SPAST: variants seen among roughly 807,000 people sequenced by gnomAD.
SPAST encodes the protein spastin, also known as spastic paraplegia 4 (autosomal dominant; spastin).
Under a neutral mutation model 76.6 loss-of-function variants are expected in SPAST, and 30 were observed. That is an observed-to-expected ratio of 0.39 (90% CI 0.29 to 0.53). SPAST has a LOEUF of 0.53. Among genes scored for constraint, SPAST ranks in the 20% least tolerant of loss-of-function variants. The pLI, the probability that SPAST is intolerant of heterozygous loss-of-function variation, is 0.68. For synonymous variants in SPAST, 305 were observed against 281.0 expected, an observed-to-expected ratio of 1.09 and a Z score of -0.86; for missense variants, 717 against 770.5, an observed-to-expected ratio of 0.93 and a Z score of 0.82.
At chr2:32,123,261 C>CA (rs112753143) in intron 7 of SPAST, among the ~76,000 whole-genome samples, 54,778 of 142,698 alleles carry the variant, frequency 0.38, 10,340 homozygotes, top group East Asian at 0.64. Context: ...GACTCCGTCT[C>CA]AAAAAAAAAA....
Position 32,136,443 on chromosome 2 carries a change from T to C in SPAST, c.1246-120T>C, listed in dbSNP as rs542885623. The C allele has an allele frequency of 1.3e-5, 10 of 780,570 alleles. No homozygotes were observed. The Admixed American group carries it at 1.8e-4, about 14-fold the overall frequency. The allele number at this position is 780,570 out of a possible 1,614,324, so 48.4% of individuals were successfully genotyped here. A position where few individuals can be genotyped will look rare whatever the true frequency, so the allele number is the denominator to read the frequency against. On this transcript the variant is annotated intron_variant, in intron 9 of 16. Transcript: ENST00000315285. ...GTACTCTCCCCTTTCTCAAACCAAA[T>C]CTTTGGTTGTTTTAAGGAAGGGAAA...
intron 7 of SPAST, among the ~76,000 whole-genome samples, chr2:32,118,476 G>C (rs952533914): frequency 6.6e-6 from 1 of 152,094 alleles, no homozygotes; most frequent in Non-Finnish European, 1.5e-5. Context: ...TACCACCTCA[G>C]GTCACACTTT....
chr2:32,144,015 AATC>A (rs1273462814), intron 14 of SPAST, among the ~76,000 whole-genome samples: 7 of 152,190 alleles, frequency 4.6e-5, no homozygotes, highest in Non-Finnish European at 1.0e-4. Context: ...CTATTTGAAT[AATC>A]TTAAACTTTA....
intron 2 of SPAST, 73 bp downstream of exon 2, chr2:32,087,651 T>C (rs556781095): frequency 3.7e-6 from 2 of 537,064 alleles, no homozygotes; most frequent in South Asian, 3.0e-5. Context: ...TCAGATCTAT[T>C]TATTTATTTA....
At chr2:32,117,048 C>T (rs1455064312) in intron 7 of SPAST, among the ~76,000 whole-genome samples, 2 of 151,928 alleles carry the variant, frequency 1.3e-5, no homozygotes, top group African/African-American at 2.4e-5. Context: ...ATCACGAGGT[C>T]AAGAGATTGA....
intron 4 of SPAST, among the ~76,000 whole-genome samples, chr2:32,109,569 A>G (rs905284322): frequency 6.6e-6 from 1 of 150,778 alleles, no homozygotes; most frequent in African/African-American, 2.4e-5. Context: ...TCCAAATACA[A>G]TGCTTCTATA....
At chr2:32,082,192 C>A (rs1340879561) in intron 1 of SPAST, among the ~76,000 whole-genome samples, 10 of 150,892 alleles carry the variant, frequency 6.6e-5, no homozygotes. Context: ...TGGGTTTCAT[C>A]ATGTTGGCCA....
intron 9 of SPAST, chr2:32,128,705 C>T (rs1573143065): frequency 1.9e-6 from 1 of 529,284 alleles, no homozygotes; most frequent in East Asian, 3.4e-5. Flanking sequence ...ATACCGTAAA[C>T]TGGCTGGCTT....
rs1678532896 is a variant in SPAST at position 32,110,617 on chromosome 2, TGTATATATA to T, written c.683-4014_683-4006del. On this transcript the variant is annotated intron_variant, in intron 4 of 16. Transcript: ENST00000315285. ...CGTATATACACTATATACTATATAG[TGTATATATA>T]GTATATGTAGTATATATAGTATATA... Among the ~76,000 whole-genome samples, 7 of 133,554 alleles carry T rather than the reference TGTATATATA, an allele frequency of 5.2e-5. No homozygotes were observed. The South Asian group carries it at 1.6e-3, about 30-fold the overall frequency. 87.6% of individuals were successfully genotyped at this position (133,554 alleles called of 152,430 possible).
At chr2:32,081,117 C>T (rs1477104637) in intron 1 of SPAST, among the ~76,000 whole-genome samples, 1 of 152,164 alleles carries the variant, frequency 6.6e-6, no homozygotes, top group African/African-American at 2.4e-5. Context: ...CGCCACCACG[C>T]CTAGCTAATT....
At chr2:32,090,848 A>T (rs961121333) in intron 3 of SPAST, among the ~76,000 whole-genome samples, 1 of 152,036 alleles carries the variant, frequency 6.6e-6, no homozygotes, top group Non-Finnish European at 1.5e-5. Context: ...TTGAAAGTTG[A>T]TTTTTATTTT....
At chr2:32,112,665 T>C (rs950455733) in intron 4 of SPAST, among the ~76,000 whole-genome samples, 1 of 152,124 alleles carries the variant, frequency 6.6e-6, no homozygotes. Flanking sequence ...TTTTGTTTTT[T>C]TTTTTAACTT....
intron 4 of SPAST, among the ~76,000 whole-genome samples, chr2:32,108,986 G>A (rs1170866406): frequency 2.0e-5 from 3 of 151,720 alleles, no homozygotes; most frequent in Non-Finnish European, 4.4e-5. Flanking sequence ...GGATGATCTC[G>A]ATCTCCTGAC....
intron 4 of SPAST, among the ~76,000 whole-genome samples, chr2:32,102,818 G>A (rs1220259431): frequency 6.6e-6 from 1 of 152,210 alleles, no homozygotes; most frequent in Admixed American, 6.5e-5. Context: ...CAGGGATGAA[G>A]CCAACTTGAT....
At chr2:32,130,769 CAT>C (rs1180334232) in intron 9 of SPAST, among the ~76,000 whole-genome samples, 1 of 149,968 alleles carries the variant, frequency 6.7e-6, no homozygotes, top group African/African-American at 2.5e-5. Flanking sequence ...GTGATCACCA[CAT>C]GATATCCAGA....
In SPAST at chr2:32,136,621, C is replaced by T. The variant is rs1553318182; in HGVS notation, c.1304C>T (p.Pro435Leu). ...ALFAVARELQ[P>L]SIIFIDEVDS... Reference sequence around the variant, plus strand: ...TTTGCTGTGGCTCGAGAACTTCAACCTTCTATAATTTTTATAGGTAAGAAC... The same window carrying T: ...TTTGCTGTGGCTCGAGAACTTCAACTTTCTATAATTTTTATAGGTAAGAAC... The change falls in exon 10 of 17, where the codon CCT (proline) becomes CTT (leucine). Residue 435 changes from proline (P) to leucine (L), a missense_variant. Physicochemically the swap from Pro to Leu is moderately conservative, Grantham distance 98. Transcript: ENST00000315285. The T allele has an allele frequency of 6.2e-7, 1 of 1,612,866 alleles. No homozygotes were observed. The highest frequency in any genetic ancestry group is 8.5e-7 in the Non-Finnish European group (1 of 1,179,026).
Position 32,102,814 on chromosome 2 carries a change from T to A in SPAST, c.682+3923T>A, listed in dbSNP as rs528669504. On this transcript the variant is annotated intron_variant, in intron 4 of 16. Coordinates refer to ENST00000315285, the MANE Select transcript of SPAST (RefSeq NM_014946.4). ...TTGAACCAGCCTTGCATCCCAGGGA[T>A]GAAGCCAACTTGATTGCGTTGGATA... Among the ~76,000 whole-genome samples, 16 of 152,356 alleles carry A rather than the reference T, an allele frequency of 1.1e-4. No homozygotes were observed. The South Asian group carries it at 3.3e-3, about 32-fold the overall frequency.
At chr2:32,119,892 G>A (rs753265991) in intron 7 of SPAST, among the ~76,000 whole-genome samples, 3 of 151,852 alleles carry the variant, frequency 2.0e-5, no homozygotes, top group Non-Finnish European at 4.4e-5. Context: ...CTATCATTTC[G>A]AGCTTTTATA....
intron 7 of SPAST, among the ~76,000 whole-genome samples, chr2:32,120,069 C>T (rs781687141): frequency 7.3e-5 from 11 of 151,182 alleles, no homozygotes; most frequent in Admixed American, 1.3e-4. Context: ...TGTTCTCCAG[C>T]GTGGCCTTAG....
Sources: gnomAD v4.1 joint callset for allele counts (sites outside exome capture counted in the v4.1 genomes callset) on GRCh38, gnomAD v4.1.1 for gene constraint, MANE v1.5 for transcripts, NCBI Gene and HGNC (gene_info 2026-07-23, HGNC 2026-07-21) for gene names.